Variants in OSBPL3 observed in about 807,000 individuals in gnomAD.
The protein encoded by OSBPL3 is oxysterol-binding protein-related protein 3.
A neutral mutation model predicts 120.1 loss-of-function variants in OSBPL3; 65 were observed. The ratio of observed to expected loss-of-function variants is 0.54; its 90% CI spans 0.44 to 0.67. The LOEUF is 0.67. OSBPL3 is among the 30% of genes least tolerant of loss of function. The pLI is 0.00. For synonymous variants in OSBPL3, 416 were observed against 402.6 expected (o/e 1.03, Z -0.40); for missense variants, 1,004 against 1,082.1 (o/e 0.93, Z 1.01).
Position 24,874,344 on chromosome 7 carries a change from C to T in OSBPL3, c.97-2275G>A, listed in dbSNP as rs76498293. 6.9e-3 allele frequency among the ~76,000 whole-genome samples: 1,043 copies of T among 152,234 alleles called. 9 individuals are homozygous for T. Among genetic ancestry groups the T allele is most frequent in the African/African-American group, 0.024 (988 of 41,540 alleles). On this transcript the variant is annotated intron_variant, in intron 2 of 22. Transcript: ENST00000313367. The stretch of plus-strand genomic sequence containing the variant: ...CTTTTGATTTGTTTGTTTTAAGACT[C>T]CCAGGCAGAAGCAACCTGCAGAGCA...
chr7:24,940,828 T>TG lies in OSBPL3; in HGVS notation c.-150+39057_-150+39058insC, dbSNP rs1554412108. Among the ~76,000 whole-genome samples, 32 of 150,968 alleles carry TG rather than the reference T, an allele frequency of 2.1e-4. No individual in the cohort carries two copies. The highest frequency in any genetic ancestry group is 6.3e-4 in the African/African-American group (26 of 41,124). Reference sequence around the variant, plus strand: ...TTCTTCCTTTTTTTTCTTTTTTTTTTTGTGTGTGTGTGACGGAGTCTCGCT... The same window carrying TG: ...TTCTTCCTTTTTTTTCTTTTTTTTTTGTGTGTGTGTGTGACGGAGTCTCGCT... On this transcript the variant is annotated intron_variant, in intron 1 of 22. Coordinates refer to ENST00000313367, the MANE Select transcript of OSBPL3 (RefSeq NM_015550.4). This position sits in a 1 kb window ranked among gnomAD's most constrained non-coding sequence, Gnocchi z 4.4.
Position 24,863,512 on chromosome 7 carries a change from G to A in OSBPL3, c.761C>T (p.Ala254Val), listed in dbSNP as rs147737804. The change falls in exon 8 of 23, where the codon GCT becomes GTT. Residue 254 changes from alanine (A) to valine (V), a missense_variant. By Grantham distance (64) the Ala-to-Val change is moderately conservative (BLOSUM62 0). Coordinates refer to ENST00000313367, the MANE Select transcript of OSBPL3 (RefSeq NM_015550.4). This position sits in a 1 kb window ranked among gnomAD's most constrained non-coding sequence, Gnocchi z 5.8. ...CCGGCTCACCTGGATGGCGTTGATA[G>A]CTGGTGCCGAGTATGTCCGATGCAG... ...DVLHRTYSAP[A>V]INAIQGGSFE... 7.4e-5 allele frequency: 120 copies of A among 1,613,338 alleles called. No individual in the cohort carries two copies. Among genetic ancestry groups the A allele is most frequent in the Non-Finnish European group, 9.4e-5 (111 of 1,179,414 alleles).
chr7:24,950,697 G>A (rs1352948205), intron 1 of OSBPL3, among the ~76,000 whole-genome samples: 1 of 152,192 alleles, frequency 6.6e-6, no homozygotes, highest in East Asian at 1.9e-4. Context: ...ACTCCAGCCT[G>A]GGCAACAGAG....
rs1247335527 is a variant in OSBPL3, at chr7:24,939,421, C to A, written c.-150+40465G>T. Among the ~76,000 whole-genome samples the A allele has an allele frequency of 6.6e-6, 1 of 152,212 alleles. No individual in the cohort carries two copies. Among genetic ancestry groups the A allele is most frequent in the Admixed American group, 6.5e-5 (1 of 15,286 alleles). ...CAATTCTAAACCTATCAGGTAAAAT[C>A]CCATTTCCCCTTGCTATTGATTGGC... is the stretch of plus-strand genomic sequence containing the variant. On this transcript the variant is annotated intron_variant, in intron 1 of 22. Coordinates refer to ENST00000313367, the MANE Select transcript of OSBPL3 (RefSeq NM_015550.4). This position sits in a 1 kb window ranked among gnomAD's most constrained non-coding sequence, Gnocchi z 4.2.
At chr7:24,814,011 T>C (rs758404050) in intron 19 of OSBPL3, among the ~76,000 whole-genome samples, 11 of 152,114 alleles carry the variant, frequency 7.2e-5, no homozygotes, top group Non-Finnish European at 1.6e-4. Context: ...TTTGCTTTTC[T>C]GGAGTCAAGG....
In OSBPL3 at chr7:24,962,422, AGGGGAGAGGAGAGAG is replaced by A. The variant is rs1563015543; in HGVS notation, c.-150+17449_-150+17463del. Among the ~76,000 whole-genome samples, 70 of 86,014 alleles carry A rather than the reference AGGGGAGAGGAGAGAG, an allele frequency of 8.1e-4. 3 individuals are homozygous for A. Among genetic ancestry groups the A allele is most frequent in the African/African-American group, 2.4e-3 (54 of 22,616 alleles). The allele number at this position is 86,014 out of a possible 152,430, so 56.4% of individuals were successfully genotyped here. A position where few individuals can be genotyped will look rare whatever the true frequency, so the allele number is the denominator to read the frequency against. On this transcript the variant is annotated intron_variant, in intron 1 of 22. Transcript: ENST00000313367. Reference sequence around the variant, plus strand: ...GGGAGGGCAGAAGGGAGGGGAGGGGAGGGGAGAGGAGAGAGGAGGAGAGAGGAGGAGAGAGGAGGA... The same window carrying A: ...GGGAGGGCAGAAGGGAGGGGAGGGGAGAGGAGAGAGGAGGAGAGAGGAGGA...
At chr7:24,956,820 C>T (rs1018901338) in intron 1 of OSBPL3, among the ~76,000 whole-genome samples, 2 of 152,168 alleles carry the variant, frequency 1.3e-5, no homozygotes, top group African/African-American at 2.4e-5. Context: ...CTCTTTCACC[C>T]TTCAACCATT....
At chr7:24,853,563 T>C (rs1307732089) in intron 10 of OSBPL3, among the ~76,000 whole-genome samples, 1 of 152,240 alleles carries the variant, frequency 6.6e-6, no homozygotes, top group Non-Finnish European at 1.5e-5. Flanking sequence ...AAAGGCATTA[T>C]TGGGATAACT....
chr7:24,979,065 T>C (rs998611863), intron 1 of OSBPL3, among the ~76,000 whole-genome samples: 1 of 152,170 alleles, frequency 6.6e-6, no homozygotes, highest in African/African-American at 2.4e-5. Context: ...TGGGAGTTTC[T>C]GGCTTATGAT....
Position 24,873,499 on chromosome 7 carries a change from A to G in OSBPL3, c.97-1430T>C, listed in dbSNP as rs1299449176. Among the ~76,000 whole-genome samples, 4 of 152,208 alleles carry G rather than the reference A, an allele frequency of 2.6e-5. No individual in the cohort carries two copies. Among genetic ancestry groups the G allele is most frequent in the Non-Finnish European group, 5.9e-5 (4 of 68,034 alleles). On this transcript the variant is annotated intron_variant, in intron 2 of 22. Transcript: ENST00000313367. The surrounding 1 kb of genome is among the most constrained non-coding windows in gnomAD (Gnocchi z 4.1). Reference sequence around the variant, plus strand: ...GTACATTCCAGAGTTTTAAAATATCACAGTGGTATCCCAAGATCTGGAGTT... The same window carrying G: ...GTACATTCCAGAGTTTTAAAATATCGCAGTGGTATCCCAAGATCTGGAGTT...
intron 19 of OSBPL3, among the ~76,000 whole-genome samples, chr7:24,812,738 C>T (rs17150208): frequency 0.27 from 40,642 of 151,976 alleles, 6,938 homozygotes; most frequent in East Asian, 0.51. Context: ...GTTCAGCTTC[C>T]GCATTTCAAG....
In OSBPL3 at chr7:24,933,334, A is replaced by C. The variant is rs1400954064; in HGVS notation, c.-149-40713T>G. On this transcript the variant is annotated intron_variant, in intron 1 of 22. Coordinates refer to ENST00000313367, the MANE Select transcript of OSBPL3 (RefSeq NM_015550.4). This position sits in a 1 kb window ranked among gnomAD's most constrained non-coding sequence, Gnocchi z 5.1. ...CTAGAGTCAAAAAAAGAACCAACCCATGAAGGTAAAAAGCAACCTTGCCAA... is the reference window on the plus strand; with the variant it reads ...CTAGAGTCAAAAAAAGAACCAACCCCTGAAGGTAAAAAGCAACCTTGCCAA... Among the ~76,000 whole-genome samples, 1 of 152,206 alleles carries C rather than the reference A, an allele frequency of 6.6e-6. No individual in the cohort carries two copies. The highest frequency in any genetic ancestry group is 1.5e-5 in the Non-Finnish European group (1 of 68,030).
intron 1 of OSBPL3, chr7:24,906,068 G>C (rs1053449191): frequency 6.5e-6 from 1 of 153,226 alleles, no homozygotes; most frequent in African/African-American, 2.4e-5. Flanking sequence ...TGATCTCCTG[G>C]TGAAGCAGAA....
intron 1 of OSBPL3, among the ~76,000 whole-genome samples, chr7:24,904,673 A>G (rs545136200): frequency 2.0e-5 from 3 of 152,186 alleles, no homozygotes; most frequent in Admixed American, 6.5e-5. Flanking sequence ...AGCTGTAAAA[A>G]ACTAAAGAAA....
rs1256637897 is a variant in OSBPL3, at chr7:24,922,515, T to C, written c.-149-29894A>G. ...GAAACATGACTTTCTCATTAAACAA[T>C]TAAATACATAAAATGCACTATGTGA... On this transcript the variant is annotated intron_variant, in intron 1 of 22. Transcript: ENST00000313367. The surrounding 1 kb of genome is among the most constrained non-coding windows in gnomAD (Gnocchi z 4.3). Among the ~76,000 whole-genome samples, 2 of 152,158 alleles carry C rather than the reference T, an allele frequency of 1.3e-5. No homozygotes were observed. Among genetic ancestry groups the C allele is most frequent in the South Asian group, 2.1e-4 (1 of 4,828 alleles).
At position 24,943,755 on chromosome 7, in the gene OSBPL3, A is replaced by G. The variant is rs112136363; in HGVS notation, c.-150+36131T>C. On this transcript the variant is annotated intron_variant, in intron 1 of 22. Coordinates refer to ENST00000313367, the MANE Select transcript of OSBPL3 (RefSeq NM_015550.4). ...GCTTTCACGTTCCCTGGTGCTGACT[A>G]TATCTTCACTATGACATGACTAAAT... Among the ~76,000 whole-genome samples the G allele has an allele frequency of 3.9e-3, 587 of 152,364 alleles. 3 individuals carry two copies. Among genetic ancestry groups the G allele is most frequent in the Non-Finnish European group, 6.1e-3 (415 of 68,038 alleles).
Position 24,820,021 on chromosome 7 carries a change from T to C in OSBPL3, c.1948+154A>G, listed in dbSNP as rs1397329323. ...TGGCTCAGATAAACTAAGTGAGAGA[T>C]GAGAGGCAAGAACAGGTGGCGCAGA... is the stretch of plus-strand genomic sequence containing the variant. On this transcript the variant is annotated intron_variant, in intron 17 of 22. Transcript: ENST00000313367. This position sits in a 1 kb window ranked among gnomAD's most constrained non-coding sequence, Gnocchi z 4.6. 2.0e-5 allele frequency among the ~76,000 whole-genome samples: 3 copies of C among 152,202 alleles called. No individual in the cohort carries two copies. The highest frequency in any genetic ancestry group is 6.5e-5 in the Admixed American group (1 of 15,288).
At chr7:24,969,407 T>C (rs1339308010) in intron 1 of OSBPL3, among the ~76,000 whole-genome samples, 1 of 152,232 alleles carries the variant, frequency 6.6e-6, no homozygotes, top group East Asian at 1.9e-4. Context: ...TTGCAATTAT[T>C]TTCCTAAATG....
intron 1 of OSBPL3, among the ~76,000 whole-genome samples, chr7:24,917,088 C>T (rs1009237218): frequency 5.3e-5 from 8 of 152,056 alleles, no homozygotes; most frequent in Admixed American, 5.2e-4. Context: ...TACCACAGAA[C>T]TCCAAGAATG....
Sources: allele counts gnomAD v4.1 joint callset (sites outside exome capture counted in the v4.1 genomes callset), GRCh38; gene constraint gnomAD v4.1.1; non-coding constraint Gnocchi (gnomAD v3.1); transcripts MANE v1.5; gene names NCBI Gene and HGNC (gene_info 2026-07-23, HGNC 2026-07-21).